The following ZIC4 variants were observed in gnomAD, a reference collection of about 807,000 sequenced individuals.
ZIC4 encodes zinc finger protein ZIC 4.
In ZIC4, 15 loss-of-function variants were observed where a neutral mutation model predicts 28.8. The observed-to-expected ratio is 0.52, with a 90% confidence interval of 0.35 to 0.80. The LOEUF (loss-of-function observed/expected upper bound fraction) is 0.80, where lower values mean the gene tolerates loss of function less well. Among genes scored for constraint, ZIC4 ranks in the 30% least tolerant of loss-of-function variants. The pLI is 0.01. For synonymous variants in ZIC4, 220 were observed against 198.1 expected, an observed-to-expected ratio of 1.11 and a Z score of -0.93; for missense variants, 512 against 467.1, an observed-to-expected ratio of 1.10 and a Z score of -0.89.
At chr3:147,400,071 C>T (rs921872774) in intron 2 of ZIC4, among the ~76,000 whole-genome samples, 1 of 152,114 alleles carries the variant, frequency 6.6e-6, no homozygotes, top group African/African-American at 2.4e-5. Context: ...GGCTGTGGAA[C>T]CCTTAGGAAG....
Position 147,386,726 on chromosome 3 carries a change from T to G in ZIC4, c.*2133A>C, listed in dbSNP as rs558588544. The G allele has an allele frequency of 6.6e-6, 1 of 152,338 alleles. No individual in the cohort carries two copies. Among genetic ancestry groups the G allele is most frequent in the South Asian group, 2.1e-4 (1 of 4,830 alleles). The allele number at this position is 152,338 out of a possible 1,614,324, so 9.4% of individuals were successfully genotyped here. A position where few individuals can be genotyped will look rare whatever the true frequency, so the allele number is the denominator to read the frequency against. On this transcript the variant is annotated 3_prime_UTR_variant, in exon 5 of 5. Transcript: ENST00000383075. ...CGTGAATGAAGGGAAGGATGGGCAT[T>G]TACATGCATTTTCGATCACTGTGTT...
At chr3:147,391,316 C>T (rs769535826) in intron 3 of ZIC4, 70 bp from the exon 4 acceptor site, 5 of 1,455,164 alleles carry the variant, frequency 3.4e-6, no homozygotes, top group Non-Finnish European at 4.6e-6. Context: ...CCACCCTCCC[C>T]CATTCGTCTC....
chr3:147,396,503 G>A lies in ZIC4; in HGVS notation c.71-34C>T, dbSNP rs561323035. ...GAAACAAATAGCGCGCATGAGAACG[G>A]GTGGCGTGGGCTGCGCGCTCTTCCC... On this transcript the variant is annotated intron_variant, in intron 2 of 4. Transcript: ENST00000383075. This position sits in a 1 kb window ranked among gnomAD's most constrained non-coding sequence, Gnocchi z 4.2. 11 of 1,496,456 alleles carry A rather than the reference G, an allele frequency of 7.4e-6. No homozygotes were observed. In the East Asian group the frequency reaches 2.5e-4, roughly 34 times the overall value. 92.7% of individuals were successfully genotyped at this position (1,496,456 alleles called of 1,614,324 possible).
chr3:147,395,839 G>T lies in ZIC4; in HGVS notation c.688+13C>A. 1.2e-6 allele frequency: 2 copies of T among 1,600,612 alleles called. No homozygotes were observed. Among genetic ancestry groups the T allele is most frequent in the Non-Finnish European group, 1.7e-6 (2 of 1,171,384 alleles). ...AGAGGGTCCGCACGCGACAGACAGC[G>T]CCGAATACTGACCTGTGTGAGTTCG... On this transcript the variant is annotated intron_variant, in intron 3 of 4. Transcript: ENST00000383075.
intron 1 of ZIC4, chr3:147,405,732 C>A (rs1051270920): frequency 1.5e-5 from 8 of 541,778 alleles, no homozygotes; most frequent in Admixed American, 3.2e-5. Context: ...GAGGCAGGAC[C>A]AGGGTGAGGG....
chr3:147,405,320 G>A, intron 1 of ZIC4: 1 of 1,466,748 alleles, frequency 6.8e-7, no homozygotes, highest in Non-Finnish European at 9.1e-7. Flanking sequence ...GCAGCATGCA[G>A]TGGTGTGGGT....
intron 1 of ZIC4, chr3:147,403,999 C>T: frequency 6.5e-7 from 1 of 1,537,102 alleles, no homozygotes; most frequent in South Asian, 1.2e-5. Flanking sequence ...TCAATTCTTT[C>T]TAACCAAAAG....
At chr3:147,398,614 C>G (rs2087102005) in intron 2 of ZIC4, among the ~76,000 whole-genome samples, 1 of 152,120 alleles carries the variant, frequency 6.6e-6, no homozygotes. Context: ...GGCCGGGACT[C>G]CTGCCTTGTC....
chr3:147,405,075 T>C (rs2107986980), intron 1 of ZIC4, among the ~76,000 whole-genome samples: 1 of 152,338 alleles, frequency 6.6e-6, no homozygotes, highest in South Asian at 2.1e-4. Flanking sequence ...CTCCCCTCCA[T>C]TCGACCCTCA....
rs779338870 is a variant in ZIC4 at position 147,396,243 on chromosome 3, C to T, written c.297G>A (p.Gly99=). 6 of 1,613,658 alleles carry T rather than the reference C, an allele frequency of 3.7e-6. No homozygotes were observed. Among genetic ancestry groups the T allele is most frequent in the South Asian group, 3.3e-5 (3 of 91,068 alleles). The change falls in exon 3 of 5, where the codon GGG becomes GGA. Residue 99 remains glycine, a synonymous_variant. Transcript: ENST00000383075. This position sits in a 1 kb window ranked among gnomAD's most constrained non-coding sequence, Gnocchi z 4.2. ...LAAAAALHGY[G]GMNLTVNLAA... is the part of the protein sequence containing the mutation. ...CGAGGTTCACCGTCAGGTTCATGCCCCCGTAGCCATGCAGGGCTGCGGCAG... is the reference window on the plus strand; with the variant it reads ...CGAGGTTCACCGTCAGGTTCATGCCTCCGTAGCCATGCAGGGCTGCGGCAG...
intron 2 of ZIC4, among the ~76,000 whole-genome samples, chr3:147,398,157 A>T (rs1304208249): frequency 1.3e-5 from 2 of 152,182 alleles, no homozygotes; most frequent in East Asian, 3.9e-4. Flanking sequence ...GATCCAGGAG[A>T]AACAGGTTTT....
At chr3:147,397,495 C>T (rs2087075707) in intron 2 of ZIC4, among the ~76,000 whole-genome samples, 1 of 152,130 alleles carries the variant, frequency 6.6e-6, no homozygotes, top group African/African-American at 2.4e-5. Context: ...TCCCCTTGAG[C>T]CTCCTCCCCC....
chr3:147,395,213 T>A (rs2087014355), intron 3 of ZIC4, among the ~76,000 whole-genome samples: 1 of 152,220 alleles, frequency 6.6e-6, no homozygotes, highest in Non-Finnish European at 1.5e-5. Context: ...TTTTTTCTGT[T>A]AACTAGAAGT....
intron 2 of ZIC4, among the ~76,000 whole-genome samples, chr3:147,400,050 T>C (rs1319208740): frequency 6.6e-6 from 1 of 152,218 alleles, no homozygotes; most frequent in East Asian, 1.9e-4. Flanking sequence ...GAGGGGTTTT[T>C]AGTTGTTTCA....
Position 147,387,365 on chromosome 3 carries a change from A to C in ZIC4, c.*1494T>G, listed in dbSNP as rs773758959. On this transcript the variant is annotated 3_prime_UTR_variant, in exon 5 of 5. Transcript: ENST00000383075. ...GCAGAGGGAGTTTGACAGAGAGGAG[A>C]ACAAATCGCTGACAAAGAACCTTTT... 2 of 152,582 alleles carry C rather than the reference A, an allele frequency of 1.3e-5. No homozygotes were observed. Among genetic ancestry groups the C allele is most frequent in the Non-Finnish European group, 2.9e-5 (2 of 68,024 alleles). 9.5% of individuals were successfully genotyped at this position (152,582 alleles called of 1,614,324 possible). A position where few individuals can be genotyped will look rare whatever the true frequency, so the allele number is the denominator to read the frequency against.
At chr3:147,390,768 A>G (rs2086895145) in intron 4 of ZIC4, among the ~76,000 whole-genome samples, 163 bp downstream of exon 4, 2 of 152,204 alleles carry the variant, frequency 1.3e-5, no homozygotes. Flanking sequence ...TTCATGCCTC[A>G]GAAACGTGGC....
At chr3:147,404,111 C>T (rs1252503483) in intron 1 of ZIC4, 21 of 1,535,446 alleles carry the variant, frequency 1.4e-5, no homozygotes, top group Middle Eastern at 1.7e-4. Flanking sequence ...TGGGCGTCCT[C>T]GCTCTGAAAT....
rs755472014 is a variant in ZIC4 at position 147,396,304 on chromosome 3, G to T, written c.236C>A (p.Pro79Gln). ...GTCGCTGCGGGCCGCAGGCCCTGGC[G>T]GGAAGGGCTCCGGCCGCGCGTACAT... ...GDMYARPEPF[P>Q]PGPAARSDAL... The change falls in exon 3 of 5, where the codon CCG becomes CAG. Residue 79 changes from proline (P) to glutamine (Q), a missense_variant. By Grantham distance (76) the Pro-to-Gln change is moderately conservative. This residue lies in a region of ZIC4 where 310 missense variants were observed against 256.5 expected (regional missense o/e 1.21). Transcript: ENST00000383075. The surrounding 1 kb of genome is among the most constrained non-coding windows in gnomAD (Gnocchi z 4.2). 58 of 1,603,468 alleles carry T rather than the reference G, an allele frequency of 3.6e-5. 1 individual carries two copies. The South Asian group carries it at 5.9e-4, about 16-fold the overall frequency.
At chr3:147,394,494 C>A (rs1055185090) in intron 3 of ZIC4, among the ~76,000 whole-genome samples, 1 of 149,088 alleles carries the variant, frequency 6.7e-6, no homozygotes, top group African/African-American at 2.5e-5. Flanking sequence ...AAAACCCTGT[C>A]ATTAAAGATG....
Sources: allele counts gnomAD v4.1 joint callset (sites outside exome capture counted in the v4.1 genomes callset), GRCh38; gene constraint gnomAD v4.1.1; regional missense constraint gnomAD v4.1.1; non-coding constraint Gnocchi (gnomAD v3.1); transcripts MANE v1.5; gene names NCBI Gene and HGNC (gene_info 2026-07-23, HGNC 2026-07-21).